The following PIAS1 variants were observed in gnomAD, a reference collection of about 807,000 sequenced individuals.
PIAS1 encodes E3 SUMO-protein ligase PIAS1.
In PIAS1, 6 loss-of-function variants were observed where a neutral mutation model predicts 71.3. The observed-to-expected ratio is 0.08, with a 90% CI of 0.05 to 0.17. PIAS1 has a LOEUF of 0.17. PIAS1 is among the 10% of genes least tolerant of loss of function. The probability of loss-of-function intolerance (pLI) is 1.00; values close to 1 mark genes in which losing one functional copy is unlikely to be tolerated. For synonymous variants in PIAS1, 303 were observed against 292.9 expected, an observed-to-expected ratio of 1.03 and a Z score of -0.35; for missense variants, 555 against 793.6, an observed-to-expected ratio of 0.70 and a Z score of 3.61.
Position 68,173,909 on chromosome 15 carries a change from GT to G in PIAS1, c.1169+22del. ...TATTGATGGGTATGTTACTTTAAGT[GT>G]TTTTGGTACCTTGAAATGACCATAT... On this transcript the variant is annotated intron_variant, in intron 9 of 13. Coordinates refer to ENST00000249636, the MANE Select transcript of PIAS1 (RefSeq NM_016166.3). The surrounding 1 kb of genome is among the most constrained non-coding windows in gnomAD (Gnocchi z 4.3). 1.2e-5 allele frequency: 17 copies of G among 1,454,914 alleles called. No individual in the cohort carries two copies. Among genetic ancestry groups the G allele is most frequent in the South Asian group, 4.6e-5 (3 of 65,580 alleles). The allele number at this position is 1,454,914 out of a possible 1,614,324, so 90.1% of individuals were successfully genotyped here. A position where few individuals can be genotyped will look rare whatever the true frequency, so the allele number is the denominator to read the frequency against.
chr15:68,081,686 A>G (rs2092230977), intron 1 of PIAS1, among the ~76,000 whole-genome samples: 1 of 152,098 alleles, frequency 6.6e-6, no homozygotes, highest in Non-Finnish European at 1.5e-5. Flanking sequence ...CAGAAGATAG[A>G]GCTAAAAGAC....
chr15:68,128,386 GA>G (rs2092667107), intron 2 of PIAS1, among the ~76,000 whole-genome samples: 1 of 152,142 alleles, frequency 6.6e-6, no homozygotes, highest in Non-Finnish European at 1.5e-5. Context: ...AGGCTTAAAT[GA>G]TCCACCTGCC....
At chr15:68,094,460 T>C (rs2092357979) in intron 2 of PIAS1, among the ~76,000 whole-genome samples, 4 of 152,214 alleles carry the variant, frequency 2.6e-5, no homozygotes, top group Admixed American at 1.3e-4. Flanking sequence ...GTTAAAATGA[T>C]CCATCAGGTT....
At position 68,088,176 on chromosome 15, in the gene PIAS1, G is replaced by GTATGTATATATATATATATATA. The variant is rs1555424823; in HGVS notation, c.469+1429_469+1430insGTATATATATATATATATATAT. ...TTCTTGTCTGTCTGATTATGTGTGT[G>GTATGTATATATATATATATATA]TATATATATATATATATATATATAT... On this transcript the variant is annotated intron_variant, in intron 2 of 13. Coordinates refer to ENST00000249636, the MANE Select transcript of PIAS1 (RefSeq NM_016166.3). Among the ~76,000 whole-genome samples, 119 of 72,986 alleles carry GTATGTATATATATATATATATA rather than the reference G, an allele frequency of 1.6e-3. 1 individual carries two copies. The highest frequency in any genetic ancestry group is 6.6e-3 in the African/African-American group (107 of 16,134). 47.9% of individuals were successfully genotyped at this position (72,986 alleles called of 152,430 possible).
chr15:68,133,435 TA>T (rs1026392862), intron 2 of PIAS1, among the ~76,000 whole-genome samples: 1 of 151,510 alleles, frequency 6.6e-6, no homozygotes, highest in Non-Finnish European at 1.5e-5. Flanking sequence ...CTAGATGAAT[TA>T]AAAAAAATGG....
chr15:68,086,443 A>G lies in PIAS1; in HGVS notation c.162A>G (p.Gln54=), dbSNP rs767052187. The change falls in exon 2 of 14, where the codon CAA becomes CAG. Residue 54 remains glutamine, a synonymous_variant. Coordinates refer to ENST00000249636, the MANE Select transcript of PIAS1 (RefSeq NM_016166.3). The surrounding 1 kb of genome is among the most constrained non-coding windows in gnomAD (Gnocchi z 7.2). The part of the protein sequence containing the change: ...LLKAGCSPAV[Q]MKIKELYRRR... ...AGGCTGGCTGTAGTCCTGCTGTGCA[A>G]ATGAAAATTAAGGAACTCTATAGGC... is the stretch of plus-strand genomic sequence containing the variant. 6.8e-6 allele frequency: 11 copies of G among 1,613,960 alleles called. No individual in the cohort carries two copies. The South Asian group carries it at 1.2e-4, about 18-fold the overall frequency.
rs1328043724 is a variant in PIAS1 at position 68,171,714 on chromosome 15, A to G, written c.1009-2018A>G. 1.3e-5 allele frequency among the ~76,000 whole-genome samples: 2 copies of G among 152,140 alleles called. No individual in the cohort carries two copies. The highest frequency in any genetic ancestry group is 3.8e-4 in the East Asian group (2 of 5,200). ...TTAGAGAAAGTAAAAGAGGCCCAGA[A>G]AGGCTAAATGCCTTTCTTAGAGACA... On this transcript the variant is annotated intron_variant, in intron 8 of 13. Transcript: ENST00000249636. This position sits in a 1 kb window ranked among gnomAD's most constrained non-coding sequence, Gnocchi z 4.4.
Position 68,185,555 on chromosome 15 carries a change from T to C in PIAS1, c.1662+1888T>C, listed in dbSNP as rs1297397175. ...AACAGGAACACGCAGCTGAAGAAGGTGCAAGAGAAAAGGAAACTGCAGGAG... is the reference window on the plus strand; with the variant it reads ...AACAGGAACACGCAGCTGAAGAAGGCGCAAGAGAAAAGGAAACTGCAGGAG... On this transcript the variant is annotated intron_variant, in intron 13 of 13. Transcript: ENST00000249636. This position sits in a 1 kb window ranked among gnomAD's most constrained non-coding sequence, Gnocchi z 4.4. Among the ~76,000 whole-genome samples, 2 of 152,116 alleles carry C rather than the reference T, an allele frequency of 1.3e-5. No individual in the cohort carries two copies. The highest frequency in any genetic ancestry group is 2.9e-5 in the Non-Finnish European group (2 of 68,032).
chr15:68,062,779 T>C (rs1166650968), intron 1 of PIAS1, among the ~76,000 whole-genome samples: 1 of 152,226 alleles, frequency 6.6e-6, no homozygotes, highest in African/African-American at 2.4e-5. Flanking sequence ...TGAATGTACA[T>C]GTACATAAAT....
chr15:68,146,451 A>C lies in PIAS1; in HGVS notation c.694-115A>C, dbSNP rs2092808731. 3 of 720,116 alleles carry C rather than the reference A, an allele frequency of 4.2e-6. No individual in the cohort carries two copies. The South Asian group carries it at 6.6e-5, about 16-fold the overall frequency. 44.6% of individuals were successfully genotyped at this position (720,116 alleles called of 1,614,324 possible). ...GTAAATGTTTGCTTCTCTACTTTTT[A>C]ATGAAAACATTCATATTTTCTAGTA... is the stretch of plus-strand genomic sequence containing the variant. On this transcript the variant is annotated intron_variant, in intron 5 of 13. Transcript: ENST00000249636.
At chr15:68,058,653 T>A (rs891439219) in intron 1 of PIAS1, among the ~76,000 whole-genome samples, 1 of 152,230 alleles carries the variant, frequency 6.6e-6, no homozygotes, top group Non-Finnish European at 1.5e-5. Context: ...GCAAGCTTCC[T>A]TGCAAAAAGT....
At position 68,088,176 on chromosome 15, in the gene PIAS1, G is replaced by GTA. The variant is rs71455574; in HGVS notation, c.469+1450_469+1451dup. Among the ~76,000 whole-genome samples, 32 of 72,998 alleles carry GTA rather than the reference G, an allele frequency of 4.4e-4. 1 individual carries two copies. Among genetic ancestry groups the GTA allele is most frequent in the South Asian group, 3.4e-3 (5 of 1,476 alleles). The allele number at this position is 72,998 out of a possible 152,430, so 47.9% of individuals were successfully genotyped here. ...TTCTTGTCTGTCTGATTATGTGTGT[G>GTA]TATATATATATATATATATATATAT... On this transcript the variant is annotated intron_variant, in intron 2 of 13. Coordinates refer to ENST00000249636, the MANE Select transcript of PIAS1 (RefSeq NM_016166.3).
intron 6 of PIAS1, among the ~76,000 whole-genome samples, chr15:68,147,940 T>A (rs1057187081): frequency 6.6e-6 from 1 of 152,196 alleles, no homozygotes; most frequent in African/African-American, 2.4e-5. Context: ...TGAACTCATA[T>A]GTATCCACCA....
chr15:68,124,535 A>G (rs1184385828), intron 2 of PIAS1, among the ~76,000 whole-genome samples: 1 of 152,032 alleles, frequency 6.6e-6, no homozygotes, highest in Non-Finnish European at 1.5e-5. Flanking sequence ...CAGTCTGGCC[A>G]ACATGGTGAA....
In PIAS1 at chr15:68,086,143, C is replaced by T. The variant is rs976080093; in HGVS notation, c.25-163C>T. 4.6e-5 allele frequency among the ~76,000 whole-genome samples: 7 copies of T among 152,024 alleles called. No homozygotes were observed. Among genetic ancestry groups the T allele is most frequent in the Non-Finnish European group, 7.4e-5 (5 of 67,966 alleles). On this transcript the variant is annotated intron_variant, in intron 1 of 13. Coordinates refer to ENST00000249636, the MANE Select transcript of PIAS1 (RefSeq NM_016166.3). The surrounding 1 kb of genome is among the most constrained non-coding windows in gnomAD (Gnocchi z 7.2). Reference sequence around the variant, plus strand: ...ATTTTAAATTTCTTTGGTTACTTAACGTTAAATGATTAAATTTGAAGTTTG... The same window carrying T: ...ATTTTAAATTTCTTTGGTTACTTAATGTTAAATGATTAAATTTGAAGTTTG...
In PIAS1 at chr15:68,192,623, C is replaced by A. The variant is rs1348010461; in HGVS notation, c.*4788C>A. ...GGCCTTGTTTGGGTCTGAAGCCACA[C>A]AGCATCGTTGAGACAGTTGCACTAA... On this transcript the variant is annotated 3_prime_UTR_variant, in exon 14 of 14. Coordinates refer to ENST00000249636, the MANE Select transcript of PIAS1 (RefSeq NM_016166.3). 6.6e-6 allele frequency: 1 copy of A among 152,248 alleles called. No individual in the cohort carries two copies. The highest frequency in any genetic ancestry group is 1.5e-5 in the Non-Finnish European group (1 of 68,060). The allele number at this position is 152,248 out of a possible 1,614,324, so 9.4% of individuals were successfully genotyped here. A position where few individuals can be genotyped will look rare whatever the true frequency, so the allele number is the denominator to read the frequency against.
chr15:68,060,254 T>A (rs758906971), intron 1 of PIAS1, among the ~76,000 whole-genome samples: 2 of 151,980 alleles, frequency 1.3e-5, no homozygotes, highest in Admixed American at 6.6e-5. Flanking sequence ...GCTTATCAGT[T>A]TTTTTTGTTT....
intron 2 of PIAS1, among the ~76,000 whole-genome samples, chr15:68,088,271 A>G (rs1295939447): frequency 3.4e-5 from 5 of 145,706 alleles, no homozygotes; most frequent in African/African-American, 7.6e-5. Context: ...ACATGTATGT[A>G]TGTGTACATA....
intron 2 of PIAS1, among the ~76,000 whole-genome samples, chr15:68,109,947 C>T (rs2092507867): frequency 6.6e-6 from 1 of 152,138 alleles, no homozygotes; most frequent in Non-Finnish European, 1.5e-5. Context: ...GACCATGCCC[C>T]ATTAAGTTAA....
Sources: allele counts gnomAD v4.1 joint callset (sites outside exome capture counted in the v4.1 genomes callset), GRCh38; gene constraint gnomAD v4.1.1; non-coding constraint Gnocchi (gnomAD v3.1); transcripts MANE v1.5; gene names NCBI Gene and HGNC (gene_info 2026-07-23, HGNC 2026-07-21).